KCNIP4: variants seen among roughly 807,000 people sequenced by gnomAD.
KCNIP4 encodes the protein potassium voltage-gated channel interacting protein 4, also known as Kv channel-interacting protein 4.
Under a neutral mutation model 34.0 loss-of-function variants are expected in KCNIP4, and 12 were observed. The observed-to-expected ratio is 0.35, with a 90% CI of 0.23 to 0.57. The LOEUF (loss-of-function observed/expected upper bound fraction) is 0.57. Among genes scored for constraint, KCNIP4 ranks in the 20% least tolerant of loss-of-function variants. The pLI is 0.83. For synonymous variants in KCNIP4, 124 were observed against 102.2 expected, an observed-to-expected ratio of 1.21 and a Z score of -1.29; for missense variants, 238 against 311.7, an observed-to-expected ratio of 0.76 and a Z score of 1.78.
At chr4:21,756,519 A>C (rs1175687079) in intron 1 of KCNIP4, among the ~76,000 whole-genome samples, 2 of 148,712 alleles carry the variant, frequency 1.3e-5, no homozygotes, top group Non-Finnish European at 3.0e-5. Flanking sequence ...GCACCACTGC[A>C]CTCCAGCCTG....
At chr4:20,828,522 T>C (rs550286718) in intron 3 of KCNIP4, among the ~76,000 whole-genome samples, 2 of 152,312 alleles carry the variant, frequency 1.3e-5, no homozygotes, top group Admixed American at 1.3e-4. Flanking sequence ...TATTAAGTCA[T>C]GTACAGAAGG....
intron 1 of KCNIP4, among the ~76,000 whole-genome samples, chr4:21,809,503 A>G (rs982365911): frequency 3.9e-5 from 6 of 152,132 alleles, no homozygotes; most frequent in Admixed American, 3.3e-4. Context: ...ACATACACAC[A>G]CTATTAGTTT....
At chr4:21,714,790 T>G (rs199505663) in intron 1 of KCNIP4, among the ~76,000 whole-genome samples, 6 of 260 alleles carry the variant, frequency 0.023, 1 homozygote, top group South Asian at 0.071. Context: ...CCTTTGATTA[T>G]TTTATTTTAT....
rs1303034954 is a variant in KCNIP4 at position 21,700,175 on chromosome 4, C to T, written c.61+248396G>A. 2.6e-5 allele frequency among the ~76,000 whole-genome samples: 4 copies of T among 152,086 alleles called. No individual in the cohort carries two copies. The East Asian group carries it at 5.8e-4, about 22-fold the overall frequency. ...TACTCCATACTGTATTCTAAAATAG[C>T]TGTACTATTATAATTTACATTCCCA... On this transcript the variant is annotated intron_variant, in intron 1 of 8. Transcript: ENST00000382152.
intron 1 of KCNIP4, among the ~76,000 whole-genome samples, chr4:20,889,053 A>G (rs1349924831): frequency 6.6e-6 from 1 of 152,142 alleles, no homozygotes; most frequent in African/African-American, 2.4e-5. Context: ...GTCTTTCACC[A>G]TCCTTTAAAT....
intron 1 of KCNIP4, among the ~76,000 whole-genome samples, chr4:20,995,837 G>T (rs1265289610): frequency 1.3e-5 from 2 of 152,202 alleles, no homozygotes; most frequent in Non-Finnish European, 2.9e-5. Flanking sequence ...GGACTGTGGG[G>T]CATGAAGGGT....
At chr4:21,760,824 T>C (rs1256433449) in intron 1 of KCNIP4, among the ~76,000 whole-genome samples, 1 of 152,124 alleles carries the variant, frequency 6.6e-6, no homozygotes, top group African/African-American at 2.4e-5. Flanking sequence ...CTATTTTCCA[T>C]CCACACTCCC....
At chr4:21,443,337 G>T (rs1057203165) in intron 1 of KCNIP4, among the ~76,000 whole-genome samples, 1 of 152,140 alleles carries the variant, frequency 6.6e-6, no homozygotes, top group African/African-American at 2.4e-5. Flanking sequence ...ACTTCTCCCA[G>T]ATAAGTGCAT....
chr4:20,960,699 C>T (rs1027049250), intron 1 of KCNIP4, among the ~76,000 whole-genome samples: 1 of 152,192 alleles, frequency 6.6e-6, no homozygotes, highest in African/African-American at 2.4e-5. Context: ...AAATATGCAG[C>T]ACCTACAAAG....
At chr4:21,261,516 T>C (rs1761467136) in intron 1 of KCNIP4, among the ~76,000 whole-genome samples, 1 of 152,162 alleles carries the variant, frequency 6.6e-6, no homozygotes, top group South Asian at 2.1e-4. Flanking sequence ...GAATCCTAGA[T>C]TCAACACAGC....
At chr4:20,993,121 T>C (rs926538167) in intron 1 of KCNIP4, among the ~76,000 whole-genome samples, 1 of 150,342 alleles carries the variant, frequency 6.7e-6, no homozygotes, top group African/African-American at 2.5e-5. Context: ...AGGCCTTCAC[T>C]CTCTAAGGGC....
chr4:21,301,859 C>CT (rs1711748529), intron 1 of KCNIP4, among the ~76,000 whole-genome samples: 1 of 152,278 alleles, frequency 6.6e-6, no homozygotes, highest in East Asian at 1.9e-4. Flanking sequence ...GCTTCTCACT[C>CT]TAAGATTTAC....
chr4:20,964,223 T>G (rs1734124479), intron 1 of KCNIP4, among the ~76,000 whole-genome samples: 2 of 152,096 alleles, frequency 1.3e-5, no homozygotes, highest in South Asian at 4.1e-4. Flanking sequence ...GAATCACTCA[T>G]GAGAGAACAC....
intron 1 of KCNIP4, among the ~76,000 whole-genome samples, chr4:21,693,097 G>T (rs1711858877): frequency 3.1e-5 from 3 of 95,356 alleles, no homozygotes; most frequent in Non-Finnish European, 4.8e-5. Context: ...TTTTGCTTAG[G>T]ATCACCTCTT....
chr4:21,779,487 TTTAA>T (rs1249655061), intron 1 of KCNIP4, among the ~76,000 whole-genome samples: 2 of 152,324 alleles, frequency 1.3e-5, no homozygotes, highest in East Asian at 3.9e-4. Context: ...GTTAATTAGC[TTTAA>T]TTATTTCACA....
intron 5 of KCNIP4, among the ~76,000 whole-genome samples, chr4:20,749,153 T>TC (rs369683632): frequency 0.01 from 1,493 of 146,694 alleles, 19 homozygotes; most frequent in Non-Finnish European, 0.012. Flanking sequence ...GCGAGACTCT[T>TC]TCAAAAAAAA....
intron 1 of KCNIP4, among the ~76,000 whole-genome samples, chr4:21,475,343 G>A (rs1730862338): frequency 6.6e-6 from 1 of 152,126 alleles, no homozygotes; most frequent in Non-Finnish European, 1.5e-5. Flanking sequence ...CTGGGGCTTA[G>A]AGAAGATGTG....
chr4:21,090,557 A>C (rs934036582), intron 1 of KCNIP4, among the ~76,000 whole-genome samples: 7 of 152,224 alleles, frequency 4.6e-5, no homozygotes, highest in African/African-American at 1.7e-4. Flanking sequence ...CTACTTAAGA[A>C]AAATAGGCCC....
chr4:21,335,038 A>G (rs1279589305), intron 1 of KCNIP4, among the ~76,000 whole-genome samples: 1 of 151,826 alleles, frequency 6.6e-6, no homozygotes, highest in Non-Finnish European at 1.5e-5. Context: ...CTCCTTTTCC[A>G]TTTTATAGGA....
Sources: allele counts gnomAD v4.1 joint callset (sites outside exome capture counted in the v4.1 genomes callset), GRCh38; gene constraint gnomAD v4.1.1; transcripts MANE v1.5; gene names NCBI Gene and HGNC (gene_info 2026-07-23, HGNC 2026-07-21).